Variants in BBS9 observed in about 807,000 individuals in gnomAD.
BBS9 encodes the protein protein PTHB1.
In BBS9, 89 loss-of-function variants were observed where a neutral mutation model predicts 117.7. The observed-to-expected ratio is 0.76, with a 90% CI of 0.64 to 0.90. The LOEUF (loss-of-function observed/expected upper bound fraction) is 0.90. BBS9 is among the 40% of genes least tolerant of loss of function. The pLI is 0.00. For synonymous variants in BBS9, 379 were observed against 370.9 expected (o/e 1.02, Z -0.25); for missense variants, 982 against 1,042.2 (o/e 0.94, Z 0.80).
Position 33,383,754 on chromosome 7 carries a change from A to G in BBS9, c.1878A>G (p.Lys626=), listed in dbSNP as rs1342851855. The part of the protein sequence containing the change: ...LILRLQEYFE[K]QGVKDFACSF... ...TTCGCCTTCAAGAATATTTTGAAAA[A>G]CAGGGAGTCAAAGATTTTGCATGTT... The change falls in exon 18 of 23, where the codon AAA becomes AAG. Residue 626 remains lysine, a synonymous_variant. Transcript: ENST00000242067. The G allele has an allele frequency of 6.2e-7, 1 of 1,612,596 alleles. No individual in the cohort carries two copies. Among genetic ancestry groups the G allele is most frequent in the African/African-American group, 1.3e-5 (1 of 74,924 alleles).
chr7:33,538,778 A>AC (rs1851843258), intron 21 of BBS9, among the ~76,000 whole-genome samples: 1 of 151,650 alleles, frequency 6.6e-6, no homozygotes, highest in Admixed American at 6.6e-5. Context: ...GACATTAAAA[A>AC]AAAAAAAGGG....
At chr7:33,574,784 T>TATAG (rs1310121349) in intron 21 of BBS9, among the ~76,000 whole-genome samples, 1 of 150,754 alleles carries the variant, frequency 6.6e-6, no homozygotes, top group African/African-American at 2.5e-5. Context: ...GTGTAAACTA[T>TATAG]ATAGAGAGAG....
At chr7:33,393,140 TG>T (rs1827344498) in intron 19 of BBS9, among the ~76,000 whole-genome samples, 1 of 152,066 alleles carries the variant, frequency 6.6e-6, no homozygotes. Flanking sequence ...TATTCTAGCC[TG>T]GGCAACAGTG....
intron 21 of BBS9, among the ~76,000 whole-genome samples, chr7:33,556,617 G>T (rs987964129): frequency 6.6e-6 from 1 of 152,132 alleles, no homozygotes; most frequent in Non-Finnish European, 1.5e-5. Flanking sequence ...CTGGTCAGAG[G>T]CCAGGTGGCA....
At chr7:33,187,901 G>T (rs572423514) in intron 5 of BBS9, among the ~76,000 whole-genome samples, 1 of 151,974 alleles carries the variant, frequency 6.6e-6, no homozygotes, top group Non-Finnish European at 1.5e-5. Flanking sequence ...CAGCCTGGGC[G>T]ACAGAGCGAG....
At chr7:33,577,093 A>G (rs1475511437) in intron 21 of BBS9, among the ~76,000 whole-genome samples, 2 of 152,198 alleles carry the variant, frequency 1.3e-5, no homozygotes, top group Admixed American at 6.5e-5. Flanking sequence ...CAGCAAAAGA[A>G]GTTACCATCA....
At position 33,197,300 on chromosome 7, in the gene BBS9, A is replaced by G. The variant is rs142496535; in HGVS notation, c.442+19709A>G. Among the ~76,000 whole-genome samples, 7 of 152,230 alleles carry G rather than the reference A, an allele frequency of 4.6e-5. No individual in the cohort carries two copies. The East Asian group carries it at 1.4e-3, about 29-fold the overall frequency. On this transcript the variant is annotated intron_variant, in intron 5 of 22. Coordinates refer to ENST00000242067, the MANE Select transcript of BBS9 (RefSeq NM_198428.3). ...TAAACAGTGGAGTAATGAAGCTGTTAAATATCCTACTCAATTGAGAAGGAA... is the reference window on the plus strand; with the variant it reads ...TAAACAGTGGAGTAATGAAGCTGTTGAATATCCTACTCAATTGAGAAGGAA...
At chr7:33,424,313 T>C (rs1309967304) in intron 19 of BBS9, among the ~76,000 whole-genome samples, 1 of 152,240 alleles carries the variant, frequency 6.6e-6, no homozygotes, top group Non-Finnish European at 1.5e-5. Flanking sequence ...AGTTTTCTGC[T>C]GCCAGCTAGA....
chr7:33,346,740 C>T (rs1817662187), intron 12 of BBS9, among the ~76,000 whole-genome samples: 2 of 152,168 alleles, frequency 1.3e-5, no homozygotes, highest in Admixed American at 6.5e-5. Flanking sequence ...GCAAACCCTT[C>T]TTGTTACAAT....
intron 9 of BBS9, among the ~76,000 whole-genome samples, chr7:33,281,797 TA>T (rs1230104314): frequency 1.3e-4 from 20 of 152,210 alleles, no homozygotes; most frequent in Admixed American, 5.9e-4. Flanking sequence ...GTTGCTTCCT[TA>T]TTTTTTTAAT....
chr7:33,181,343 T>C (rs1798074792), intron 5 of BBS9, among the ~76,000 whole-genome samples: 1 of 152,192 alleles, frequency 6.6e-6, no homozygotes, highest in South Asian at 2.1e-4. Context: ...TACTTCTTTG[T>C]ACCTGGAAAT....
At chr7:33,196,614 A>G (rs1215314541) in intron 5 of BBS9, among the ~76,000 whole-genome samples, 1 of 152,162 alleles carries the variant, frequency 6.6e-6, no homozygotes, top group Admixed American at 6.6e-5. Flanking sequence ...GTTAGAGCGT[A>G]ATGTTAGAGA....
At chr7:33,201,060 G>C (rs1785765844) in intron 5 of BBS9, among the ~76,000 whole-genome samples, 1 of 152,268 alleles carries the variant, frequency 6.6e-6, no homozygotes, top group African/African-American at 2.4e-5. Flanking sequence ...TCAAATAGCA[G>C]TAGTTGTATG....
At chr7:33,187,964 A>G (rs927432397) in intron 5 of BBS9, among the ~76,000 whole-genome samples, 3 of 151,902 alleles carry the variant, frequency 2.0e-5, no homozygotes, top group African/African-American at 7.3e-5. Context: ...GTAGCTCACA[A>G]TCTAGGAGTA....
intron 19 of BBS9, among the ~76,000 whole-genome samples, chr7:33,453,542 A>T (rs1162231352): frequency 1.4e-5 from 2 of 141,478 alleles, no homozygotes; most frequent in Non-Finnish European, 3.0e-5. Flanking sequence ...TTTTTCTGAG[A>T]TGGAGTTTTG....
intron 9 of BBS9, among the ~76,000 whole-genome samples, chr7:33,274,465 T>G (rs1401925414): frequency 2.0e-5 from 3 of 152,232 alleles, no homozygotes; most frequent in Non-Finnish European, 4.4e-5. Context: ...GAATTCATAC[T>G]TTAACATTAA....
chr7:33,368,577 T>TAC (rs201655079), intron 17 of BBS9, among the ~76,000 whole-genome samples: 15,064 of 128,220 alleles, frequency 0.12, 835 homozygotes, highest in East Asian at 0.33. Flanking sequence ...GAGAAAAAAG[T>TAC]ACACACACAC....
chr7:33,432,201 C>T (rs1402547884), intron 19 of BBS9, among the ~76,000 whole-genome samples: 12 of 151,542 alleles, frequency 7.9e-5, no homozygotes, highest in Non-Finnish European at 4.4e-5. Context: ...CTTCGCCTCC[C>T]AGGTTCACGC....
intron 19 of BBS9, among the ~76,000 whole-genome samples, chr7:33,416,240 G>C (rs1444439863): frequency 6.6e-6 from 1 of 151,478 alleles, no homozygotes; most frequent in Non-Finnish European, 1.5e-5. Flanking sequence ...TACGGGACCT[G>C]CATTTCCTCA....
Sources: allele counts gnomAD v4.1 joint callset (sites outside exome capture counted in the v4.1 genomes callset), GRCh38; gene constraint gnomAD v4.1.1; transcripts MANE v1.5; gene names NCBI Gene and HGNC (gene_info 2026-07-23, HGNC 2026-07-21).